The following EAF2 variants were observed in gnomAD, a reference collection of about 807,000 sequenced individuals.
The protein encoded by EAF2 is ELL associated factor 2, also known as ELL-associated factor 2.
EAF2 carries 29 observed loss-of-function variants against 29.4 expected under a neutral mutation model. The ratio of observed to expected loss-of-function variants is 0.99; its 90% CI spans 0.73 to 1.35. EAF2 has a LOEUF of 1.35. EAF2 is among the 40% of genes most tolerant of loss of function. EAF2 has a pLI of 0.00. For synonymous variants in EAF2, 103 were observed against 102.5 expected (o/e 1.00, Z -0.03); for missense variants, 292 against 312.0 (o/e 0.94, Z 0.48).
intron 4 of EAF2, among the ~76,000 whole-genome samples, chr3:121,858,187 T>A (rs1003445936): frequency 1.3e-5 from 2 of 152,248 alleles, no homozygotes; most frequent in Non-Finnish European, 2.9e-5. Flanking sequence ...ATATACCCAG[T>A]AATGGGATGG....
At chr3:121,882,246 G>A (rs942341225) in intron 5 of EAF2, among the ~76,000 whole-genome samples, 1 of 151,890 alleles carries the variant, frequency 6.6e-6, no homozygotes, top group African/African-American at 2.4e-5. Flanking sequence ...CTACTCAGGA[G>A]GCTGAGGCAT....
intron 3 of EAF2, 117 bp downstream of exon 3, chr3:121,854,940 GT>G: frequency 9.5e-7 from 1 of 1,054,278 alleles, no homozygotes. Flanking sequence ...GTACAAAAAT[GT>G]TTTAATCTTT....
intron 3 of EAF2, among the ~76,000 whole-genome samples, chr3:121,855,451 TA>T (rs1708703071): frequency 6.6e-6 from 1 of 152,252 alleles, no homozygotes; most frequent in Admixed American, 6.5e-5. Context: ...TGATGTACCT[TA>T]AGAGGAGGTT....
intron 4 of EAF2, among the ~76,000 whole-genome samples, chr3:121,866,386 G>A (rs1342465742): frequency 6.6e-6 from 1 of 152,068 alleles, no homozygotes; most frequent in Non-Finnish European, 1.5e-5. Flanking sequence ...ATAAGATATA[G>A]ATCTCCCCTA....
chr3:121,878,802 T>A (rs2689274), intron 5 of EAF2, among the ~76,000 whole-genome samples: 135,172 of 152,240 alleles, frequency 0.89, 60,071 homozygotes, highest in Admixed American at 0.93. Flanking sequence ...ATGGACACTT[T>A]GGTTGATTCC....
chr3:121,877,150 T>C (rs1709112978), intron 5 of EAF2, among the ~76,000 whole-genome samples: 2 of 152,040 alleles, frequency 1.3e-5, no homozygotes, highest in Non-Finnish European at 2.9e-5. Context: ...TCAGTTCACC[T>C]GGAAGATAAA....
chr3:121,871,675 T>C (rs974459800), intron 4 of EAF2, among the ~76,000 whole-genome samples: 2 of 152,026 alleles, frequency 1.3e-5, no homozygotes, highest in Admixed American at 1.3e-4. Context: ...TAACTTAATG[T>C]AGCAGTGTAC....
chr3:121,883,318 C>G (rs1159411455), intron 5 of EAF2, among the ~76,000 whole-genome samples: 2 of 152,138 alleles, frequency 1.3e-5, no homozygotes, highest in Non-Finnish European at 2.9e-5. Context: ...ATTGCTGCTC[C>G]AAATACAATG....
chr3:121,839,542 T>C (rs1312465644), intron 1 of EAF2, among the ~76,000 whole-genome samples: 1 of 152,180 alleles, frequency 6.6e-6, no homozygotes, highest in Admixed American at 6.5e-5. Context: ...AAATTCTTTA[T>C]TGTCAAATAT....
chr3:121,860,701 G>A (rs1244292037), intron 4 of EAF2, among the ~76,000 whole-genome samples: 2 of 151,574 alleles, frequency 1.3e-5, no homozygotes, highest in East Asian at 1.9e-4. Context: ...GTTATTTCTT[G>A]CCTTCTGCTA....
At chr3:121,835,890 G>A (rs896653766) in intron 1 of EAF2, among the ~76,000 whole-genome samples, 4 of 152,128 alleles carry the variant, frequency 2.6e-5, no homozygotes, top group Non-Finnish European at 5.9e-5. Context: ...CCAATGATCT[G>A]TATATCTCTT....
chr3:121,856,767 C>A (rs566505923), intron 3 of EAF2, among the ~76,000 whole-genome samples: 1 of 152,208 alleles, frequency 6.6e-6, no homozygotes, highest in Non-Finnish European at 1.5e-5. Context: ...AGGCATGAGG[C>A]GCCAAGCCTG....
intron 5 of EAF2, among the ~76,000 whole-genome samples, chr3:121,885,644 TC>T (rs987675979): frequency 6.6e-5 from 10 of 152,300 alleles, no homozygotes; most frequent in Admixed American, 2.0e-4. Flanking sequence ...GCACTTCTGT[TC>T]TTTTGGCCTG....
At chr3:121,849,650 G>C (rs1399816774) in intron 2 of EAF2, among the ~76,000 whole-genome samples, 1 of 151,990 alleles carries the variant, frequency 6.6e-6, no homozygotes, top group Non-Finnish European at 1.5e-5. Context: ...ACACTTATGA[G>C]GCTCCTATAT....
At chr3:121,867,285 A>T (rs1337327601) in intron 4 of EAF2, among the ~76,000 whole-genome samples, 1 of 152,226 alleles carries the variant, frequency 6.6e-6, no homozygotes, top group Non-Finnish European at 1.5e-5. Flanking sequence ...AAACCCACAG[A>T]TGTAAAAACC....
chr3:121,837,044 G>A (rs1277828712), intron 1 of EAF2, among the ~76,000 whole-genome samples: 1 of 140,612 alleles, frequency 7.1e-6, no homozygotes, highest in East Asian at 1.9e-4. Context: ...CTACCAGAAT[G>A]AAAATAAACA....
chr3:121,852,663 C>A lies in EAF2; in HGVS notation c.202-2024C>A, dbSNP rs1462716147. 2.6e-5 allele frequency among the ~76,000 whole-genome samples: 4 copies of A among 152,138 alleles called. No individual in the cohort carries two copies. The South Asian group carries it at 6.2e-4, about 24-fold the overall frequency. On this transcript the variant is annotated intron_variant, in intron 2 of 5. Coordinates refer to ENST00000273668, the MANE Select transcript of EAF2 (RefSeq NM_018456.6). ...TCAATTACCTAATTTATCTTATACTCCTCCTAGTGCTCATTTAGTAAATCT... is the reference window on the plus strand; with the variant it reads ...TCAATTACCTAATTTATCTTATACTACTCCTAGTGCTCATTTAGTAAATCT...
chr3:121,847,857 A>G (rs1033786495), intron 2 of EAF2, among the ~76,000 whole-genome samples: 1 of 152,120 alleles, frequency 6.6e-6, no homozygotes, highest in African/African-American at 2.4e-5. Context: ...TCTGGGGGTG[A>G]CCTTTATTAG....
intron 5 of EAF2, among the ~76,000 whole-genome samples, chr3:121,882,959 T>C (rs550844843): frequency 8.3e-4 from 126 of 152,200 alleles, no homozygotes; most frequent in African/African-American, 3.0e-3. Context: ...CCTTTACTAT[T>C]TTGAAATGAA....
Sources: gnomAD v4.1 joint callset for allele counts (sites outside exome capture counted in the v4.1 genomes callset) on GRCh38, gnomAD v4.1.1 for gene constraint, MANE v1.5 for transcripts, NCBI Gene and HGNC (gene_info 2026-07-23, HGNC 2026-07-21) for gene names.